ANO10: variants seen among roughly 807,000 people sequenced by gnomAD.
ANO10 encodes the protein anoctamin 10, also known as anoctamin-10.
A neutral mutation model predicts 74.7 loss-of-function variants in ANO10; 77 were observed. The observed-to-expected ratio is 1.03, with a 90% CI of 0.86 to 1.25. The LOEUF (loss-of-function observed/expected upper bound fraction) is 1.25. Ranked by LOEUF, ANO10 falls within the 50% of genes most tolerant of loss-of-function variation. The probability of loss-of-function intolerance (pLI) is 0.00; values close to 1 mark genes in which losing one functional copy is unlikely to be tolerated. For missense variants in ANO10, 721 were observed against 778.1 expected, an observed-to-expected ratio of 0.93 and a Z score of 0.87; for synonymous variants, 279 against 284.9, an observed-to-expected ratio of 0.98 and a Z score of 0.21.
intron 11 of ANO10, among the ~76,000 whole-genome samples, chr3:43,539,344 T>C (rs1159142285): frequency 6.6e-6 from 1 of 151,340 alleles, no homozygotes; most frequent in Admixed American, 6.6e-5. Flanking sequence ...CTTTCCAACC[T>C]AGAAAAAAAA....
At chr3:43,588,572 A>AG (rs2081582801) in intron 4 of ANO10, among the ~76,000 whole-genome samples, 1 of 151,774 alleles carries the variant, frequency 6.6e-6, no homozygotes, top group Admixed American at 6.6e-5. Flanking sequence ...AGTAAAAAAA[A>AG]AAAAAATCCT....
At chr3:43,429,643 A>T (rs1411318443) in intron 12 of ANO10, among the ~76,000 whole-genome samples, 4 of 152,106 alleles carry the variant, frequency 2.6e-5, no homozygotes, top group African/African-American at 9.7e-5. Flanking sequence ...ATGCCCTCTC[A>T]CGCATTTTTA....
At chr3:43,387,202 A>T (rs1397380033) in intron 12 of ANO10, among the ~76,000 whole-genome samples, 1 of 152,194 alleles carries the variant, frequency 6.6e-6, no homozygotes, top group Non-Finnish European at 1.5e-5. Context: ...ACTATAGGTG[A>T]CTATATGGGA....
intron 1 of ANO10, among the ~76,000 whole-genome samples, chr3:43,648,868 G>A (rs1158717716): frequency 6.6e-6 from 1 of 151,944 alleles, no homozygotes; most frequent in Non-Finnish European, 1.5e-5. Context: ...TAGTAGAGAC[G>A]GGGTTTCATC....
intron 11 of ANO10, among the ~76,000 whole-genome samples, chr3:43,436,246 C>T (rs1254358285): frequency 2.0e-5 from 3 of 151,764 alleles, no homozygotes; most frequent in Non-Finnish European, 4.4e-5. Flanking sequence ...GAAAAAAAAC[C>T]ACAAAAAGCA....
chr3:43,590,805 T>C (rs1426098312), intron 4 of ANO10, among the ~76,000 whole-genome samples: 1 of 152,234 alleles, frequency 6.6e-6, no homozygotes, highest in Non-Finnish European at 1.5e-5. Flanking sequence ...GGCATCTGTC[T>C]GCCTGTGACA....
intron 1 of ANO10, among the ~76,000 whole-genome samples, chr3:43,617,549 C>T (rs2083179425): frequency 6.6e-6 from 1 of 152,118 alleles, no homozygotes; most frequent in African/African-American, 2.4e-5. Context: ...ACAACTGGAT[C>T]ACTGGCCCAC....
intron 11 of ANO10, among the ~76,000 whole-genome samples, chr3:43,465,303 T>C (rs1445596890): frequency 1.3e-5 from 2 of 152,214 alleles, no homozygotes; most frequent in Non-Finnish European, 2.9e-5. Context: ...TACACAAACC[T>C]AGACAGTCTA....
At chr3:43,488,250 T>C (rs1269280481) in intron 11 of ANO10, among the ~76,000 whole-genome samples, 1 of 151,166 alleles carries the variant, frequency 6.6e-6, no homozygotes, top group South Asian at 2.1e-4. Context: ...ATTCAGGACA[T>C]AGGCATGGGC....
intron 7 of ANO10, among the ~76,000 whole-genome samples, chr3:43,566,125 G>A (rs911443114): frequency 2.0e-5 from 3 of 152,142 alleles, no homozygotes; most frequent in South Asian, 2.1e-4. Context: ...GCGCTTTTCC[G>A]ACGGGCTTAA....
At chr3:43,522,261 C>T (rs535346074) in intron 11 of ANO10, among the ~76,000 whole-genome samples, 4 of 151,980 alleles carry the variant, frequency 2.6e-5, no homozygotes, top group Non-Finnish European at 4.4e-5. Flanking sequence ...ATTAATGTGA[C>T]TAAATTACAC....
chr3:43,639,030 G>C (rs56747630), intron 1 of ANO10: 7,845 of 152,356 alleles, frequency 0.051, 299 homozygotes, highest in South Asian at 0.12. Context: ...TTCCCCACCA[G>C]ATAGATCTCT....
intron 1 of ANO10, among the ~76,000 whole-genome samples, chr3:43,673,646 A>T (rs1035381176): frequency 7.2e-5 from 11 of 152,208 alleles, no homozygotes; most frequent in African/African-American, 2.7e-4. Context: ...AAGTTTGAAG[A>T]TCTGAAATAG....
At chr3:43,416,624 T>C (rs188746142) in intron 12 of ANO10, among the ~76,000 whole-genome samples, 1 of 152,292 alleles carries the variant, frequency 6.6e-6, no homozygotes, top group Admixed American at 6.5e-5. Context: ...TCCCACTACT[T>C]ACTTGTGAGG....
intron 11 of ANO10, among the ~76,000 whole-genome samples, chr3:43,476,764 A>T (rs889811442): frequency 6.6e-6 from 1 of 152,230 alleles, no homozygotes. Context: ...ACATTAAAAT[A>T]ATGAGATAGC....
chr3:43,508,783 G>A (rs922457208), intron 11 of ANO10, among the ~76,000 whole-genome samples: 13 of 151,276 alleles, frequency 8.6e-5, no homozygotes, highest in East Asian at 2.0e-4. Flanking sequence ...ATCACACACC[G>A]GGGCCTGTTG....
At chr3:43,594,189 T>A (rs1412014701) in intron 4 of ANO10, among the ~76,000 whole-genome samples, 1 of 152,168 alleles carries the variant, frequency 6.6e-6, no homozygotes, top group Admixed American at 6.6e-5. Context: ...ACTGTCAACA[T>A]TAGACAGATC....
intron 11 of ANO10, among the ~76,000 whole-genome samples, chr3:43,548,177 T>A (rs2079287281): frequency 1.3e-5 from 2 of 152,208 alleles, no homozygotes. Context: ...TTTCATGAGT[T>A]TTAAGTTTCA....
intron 2 of ANO10, among the ~76,000 whole-genome samples, chr3:43,601,678 C>T (rs945888639): frequency 6.6e-6 from 1 of 152,176 alleles, no homozygotes; most frequent in African/African-American, 2.4e-5. Context: ...CTATTAAAGA[C>T]TTTAGTAAAA....
Sources: gnomAD v4.1 joint callset for allele counts (sites outside exome capture counted in the v4.1 genomes callset) on GRCh38, gnomAD v4.1.1 for gene constraint, MANE v1.5 for transcripts, NCBI Gene and HGNC (gene_info 2026-07-23, HGNC 2026-07-21) for gene names.